The following RBKS variants were observed in gnomAD, a reference collection of about 807,000 sequenced individuals.
RBKS encodes the protein ribokinase.
A neutral mutation model predicts 33.9 loss-of-function variants in RBKS; 33 were observed. That is an observed-to-expected ratio of 0.97 (90% CI 0.74 to 1.30). The LOEUF (loss-of-function observed/expected upper bound fraction) is 1.30, where lower values mean the gene tolerates loss of function less well. RBKS is among the 50% of genes most tolerant of loss of function. The pLI is 0.00. For synonymous variants in RBKS, 125 were observed against 143.0 expected (o/e 0.87, Z 0.90); for missense variants, 361 against 392.6 (o/e 0.92, Z 0.68).
intron 1 of RBKS, among the ~76,000 whole-genome samples, chr2:27,864,234 G>A (rs1664044226): frequency 6.6e-6 from 1 of 151,722 alleles, no homozygotes; most frequent in Admixed American, 6.6e-5. Flanking sequence ...TGTTGCCCAG[G>A]CTACTCTTGA....
At chr2:27,860,260 G>A (rs1663947030) in intron 1 of RBKS, among the ~76,000 whole-genome samples, 1 of 152,168 alleles carries the variant, frequency 6.6e-6, no homozygotes, top group African/African-American at 2.4e-5. Context: ...AAGTGATGAT[G>A]AGATTTTGAT....
intron 7 of RBKS, among the ~76,000 whole-genome samples, chr2:27,805,751 T>C (rs564296212): frequency 1.3e-5 from 2 of 152,004 alleles, no homozygotes; most frequent in Non-Finnish European, 2.9e-5. Context: ...ATTTTTGTAT[T>C]TTTAGTAGAG....
chr2:27,823,499 C>G (rs765340986), intron 7 of RBKS, among the ~76,000 whole-genome samples: 1 of 151,976 alleles, frequency 6.6e-6, no homozygotes, highest in Non-Finnish European at 1.5e-5. Context: ...GGTTACAAAC[C>G]GACTGAGAGC....
chr2:27,784,550 G>A (rs556191694), intron 7 of RBKS, among the ~76,000 whole-genome samples: 33 of 152,206 alleles, frequency 2.2e-4, no homozygotes, highest in Admixed American at 1.6e-3. Flanking sequence ...TGAAGAAAGC[G>A]CCCCCCACCT....
chr2:27,862,391 T>C (rs1378011744), intron 1 of RBKS, among the ~76,000 whole-genome samples: 4 of 152,228 alleles, frequency 2.6e-5, no homozygotes, highest in Non-Finnish European at 5.9e-5. Context: ...TATATTCTTA[T>C]GCACATAAAT....
At chr2:27,843,402 T>C (rs1663555929) in intron 4 of RBKS, among the ~76,000 whole-genome samples, 171 bp from the exon 5 acceptor site, 1 of 152,244 alleles carries the variant, frequency 6.6e-6, no homozygotes, top group African/African-American at 2.4e-5. Context: ...TCCAAATGTA[T>C]CTTTTATAAT....
At chr2:27,783,629 C>T (rs978124483) in intron 7 of RBKS, among the ~76,000 whole-genome samples, 8 of 152,064 alleles carry the variant, frequency 5.3e-5, no homozygotes, top group Non-Finnish European at 7.4e-5. Context: ...ATTCTTAGGC[C>T]GGGCGCAGTG....
At chr2:27,801,212 G>C (rs1426019586) in intron 7 of RBKS, among the ~76,000 whole-genome samples, 1 of 152,178 alleles carries the variant, frequency 6.6e-6, no homozygotes, top group East Asian at 1.9e-4. Context: ...TAGCAGGGCA[G>C]TGCTGGAACC....
Position 27,890,095 on chromosome 2 carries a change from T to C in RBKS, c.89+162A>G. The C allele has an allele frequency of 1.6e-6, 1 of 609,656 alleles. No homozygotes were observed. Among genetic ancestry groups the C allele is most frequent in the Non-Finnish European group, 2.9e-6 (1 of 346,968 alleles). 37.8% of individuals were successfully genotyped at this position (609,656 alleles called of 1,614,324 possible). A position where few individuals can be genotyped will look rare whatever the true frequency, so the allele number is the denominator to read the frequency against. On this transcript the variant is annotated intron_variant, in intron 1 of 7. Transcript: ENST00000302188. This position sits in a 1 kb window ranked among gnomAD's most constrained non-coding sequence, Gnocchi z 4.8. ...ACCTTTATATACTCAAGTTCTTTCATGCCAGGAAGGTAGGCTGAAGGCTTC... is the reference window on the plus strand; with the variant it reads ...ACCTTTATATACTCAAGTTCTTTCACGCCAGGAAGGTAGGCTGAAGGCTTC...
chr2:27,849,258 T>C (rs967441130), intron 2 of RBKS, among the ~76,000 whole-genome samples: 3 of 152,044 alleles, frequency 2.0e-5, no homozygotes, highest in Non-Finnish European at 4.4e-5. Context: ...TGTCTGTTAT[T>C]AACAAAGTCC....
intron 7 of RBKS, among the ~76,000 whole-genome samples, chr2:27,801,690 A>G (rs1205439714): frequency 1.3e-5 from 2 of 151,952 alleles, no homozygotes; most frequent in African/African-American, 4.8e-5. Flanking sequence ...TAACTGGCTC[A>G]TGGTTTTGCA....
rs1017872552 is a variant in RBKS, at chr2:27,850,695, T to G, written c.223-2598A>C. Among the ~76,000 whole-genome samples the G allele has an allele frequency of 5.9e-5, 9 of 152,386 alleles. No homozygotes were observed. The East Asian group carries it at 1.5e-3, about 26-fold the overall frequency. On this transcript the variant is annotated intron_variant, in intron 2 of 7. Coordinates refer to ENST00000302188, the MANE Select transcript of RBKS (RefSeq NM_022128.3). ...GCTGAATGATATTCCATTGTCTCGA[T>G]GTACCAGAGTTTATTTATCCATTTA... is the stretch of plus-strand genomic sequence containing the variant.
chr2:27,849,559 C>CAAAAAAAAAAAAAAAAAAAAAAAAAAAAA (rs70953894), intron 2 of RBKS, among the ~76,000 whole-genome samples: 50 of 28,582 alleles, frequency 1.7e-3, no homozygotes, highest in East Asian at 4.2e-3. Context: ...GACTCTGTCT[C>CAAAAAAAAAAAAAAAAAAAAAAAAAAAAA]AAAAAAAAAA....
At chr2:27,788,694 G>GA (rs1677452250) in intron 7 of RBKS, among the ~76,000 whole-genome samples, 1 of 151,950 alleles carries the variant, frequency 6.6e-6, no homozygotes, top group Non-Finnish European at 1.5e-5. Context: ...GTAACAGAGC[G>GA]AAAAAAACCA....
chr2:27,802,831 G>A (rs79290457), intron 7 of RBKS, among the ~76,000 whole-genome samples: 3,367 of 152,190 alleles, frequency 0.022, 128 homozygotes, highest in African/African-American at 0.076. Flanking sequence ...GAGAACCCGC[G>A]TGGCATGGCC....
chr2:27,836,949 C>T (rs1164888253), intron 5 of RBKS, among the ~76,000 whole-genome samples: 1 of 150,696 alleles, frequency 6.6e-6, no homozygotes, highest in Non-Finnish European at 1.5e-5. Flanking sequence ...TAATGAGATA[C>T]CATCTCACAC....
intron 6 of RBKS, among the ~76,000 whole-genome samples, chr2:27,831,000 C>T (rs1460026400): frequency 6.6e-6 from 1 of 152,184 alleles, no homozygotes; most frequent in Non-Finnish European, 1.5e-5. Context: ...CCAACAACCT[C>T]ATTATGCCCC....
rs1678498194 is a variant in RBKS, at chr2:27,835,414, A to G, written c.515-2637T>C. Among the ~76,000 whole-genome samples the G allele has an allele frequency of 2.0e-5, 3 of 146,570 alleles. No homozygotes were observed. In the Admixed American group the frequency reaches 2.1e-4, roughly 10 times the overall value. On this transcript the variant is annotated intron_variant, in intron 5 of 7. Coordinates refer to ENST00000302188, the MANE Select transcript of RBKS (RefSeq NM_022128.3). ...TTATAAGTGAACAAGGAAGTTTTGTACTACCCACCCACCCCACCCCCCCTT... is the reference window on the plus strand; with the variant it reads ...TTATAAGTGAACAAGGAAGTTTTGTGCTACCCACCCACCCCACCCCCCCTT...
chr2:27,809,245 C>A (rs748979723), intron 7 of RBKS, among the ~76,000 whole-genome samples: 2 of 152,238 alleles, frequency 1.3e-5, no homozygotes, highest in Non-Finnish European at 2.9e-5. Flanking sequence ...GCTCTAGCCT[C>A]TCTTCAAGTT....
Sources: allele counts gnomAD v4.1 joint callset (sites outside exome capture counted in the v4.1 genomes callset), GRCh38; gene constraint gnomAD v4.1.1; non-coding constraint Gnocchi (gnomAD v3.1); transcripts MANE v1.5; gene names NCBI Gene and HGNC (gene_info 2026-07-23, HGNC 2026-07-21).